The following NKAIN3 variants were observed in gnomAD, a reference collection of about 807,000 sequenced individuals.
The protein encoded by NKAIN3 is sodium/potassium-transporting ATPase subunit beta-1-interacting protein 3.
NKAIN3 carries 25 observed loss-of-function variants against 30.2 expected under a neutral mutation model. The observed-to-expected ratio is 0.83, with a 90% CI of 0.60 to 1.16. The LOEUF (loss-of-function observed/expected upper bound fraction) is 1.16. Among genes scored for constraint, NKAIN3 ranks in the 50% most tolerant of loss-of-function variants. The probability of loss-of-function intolerance (pLI) is 0.00; values close to 1 mark genes in which losing one functional copy is unlikely to be tolerated. For synonymous variants in NKAIN3, 91 were observed against 89.6 expected (o/e 1.02, Z -0.09); for missense variants, 225 against 254.1 (o/e 0.89, Z 0.78).
chr8:62,918,385 T>G (rs908704391), intron 4 of NKAIN3, 68 bp from the exon 5 acceptor site: 1 of 1,089,624 alleles, frequency 9.2e-7, no homozygotes, highest in East Asian at 2.4e-5. Context: ...TTTATTAGAT[T>G]ATATTGGCTC....
chr8:62,619,095 A>T (rs900138668), intron 3 of NKAIN3, among the ~76,000 whole-genome samples: 2 of 152,150 alleles, frequency 1.3e-5, no homozygotes, highest in Admixed American at 6.6e-5. Context: ...TAACCAGTGC[A>T]GTGTAACAGG....
At chr8:62,860,417 A>C (rs1820205028) in intron 4 of NKAIN3, among the ~76,000 whole-genome samples, 1 of 152,220 alleles carries the variant, frequency 6.6e-6, no homozygotes. Flanking sequence ...AAGATTAATG[A>C]CATTGTGTAT....
At chr8:62,497,305 C>T (rs996803156) in intron 1 of NKAIN3, among the ~76,000 whole-genome samples, 1 of 151,984 alleles carries the variant, frequency 6.6e-6, no homozygotes, top group African/African-American at 2.4e-5. Context: ...ATGTCTGTCT[C>T]AGTTGTAGAC....
chr8:62,283,294 G>A lies in NKAIN3; in HGVS notation c.54+34167G>A, dbSNP rs539567060. ...CTTACGTGGCTATTTTTTTTTTTGA[G>A]TTTCTAAATATATTTGTGTCAATCC... On this transcript the variant is annotated intron_variant, in intron 1 of 6. Transcript: ENST00000623646. Among the ~76,000 whole-genome samples, 277 of 150,768 alleles carry A rather than the reference G, an allele frequency of 1.8e-3. 1 individual carries two copies. The highest frequency in any genetic ancestry group is 6.5e-3 in the African/African-American group (266 of 41,074).
intron 1 of NKAIN3, among the ~76,000 whole-genome samples, chr8:62,523,670 G>T (rs1259208073): frequency 6.6e-6 from 1 of 152,102 alleles, no homozygotes; most frequent in Non-Finnish European, 1.5e-5. Context: ...CACAGCATGG[G>T]ACACTGTGGG....
chr8:62,509,396 T>A (rs1362146334), intron 1 of NKAIN3, among the ~76,000 whole-genome samples: 1 of 152,160 alleles, frequency 6.6e-6, no homozygotes, highest in Non-Finnish European at 1.5e-5. Context: ...GTTCTTTTCC[T>A]CCTTTATCCA....
chr8:62,658,508 C>A lies in NKAIN3; in HGVS notation c.273+68714C>A, dbSNP rs186921011. On this transcript the variant is annotated intron_variant, in intron 3 of 6. Transcript: ENST00000623646. ...GCATATTATATGTAAATGCGGTATACCCATTCATATATTATGATGGTTCAC... is the reference window on the plus strand; with the variant it reads ...GCATATTATATGTAAATGCGGTATAACCATTCATATATTATGATGGTTCAC... 1.7e-4 allele frequency among the ~76,000 whole-genome samples: 26 copies of A among 152,184 alleles called. No homozygotes were observed. In the East Asian group the frequency reaches 2.3e-3, roughly 14 times the overall value.
chr8:62,385,198 TA>T (rs1441748259), intron 1 of NKAIN3, among the ~76,000 whole-genome samples: 1 of 152,164 alleles, frequency 6.6e-6, no homozygotes, highest in South Asian at 2.1e-4. Flanking sequence ...GTCTTTACCA[TA>T]ATCCTCTGCA....
chr8:62,673,111 G>A (rs1014820889), intron 3 of NKAIN3, among the ~76,000 whole-genome samples: 2 of 152,160 alleles, frequency 1.3e-5, no homozygotes, highest in African/African-American at 4.8e-5. Flanking sequence ...TAAATGATGA[G>A]GTGGGATTCA....
chr8:62,551,904 G>A (rs12546217), intron 1 of NKAIN3, among the ~76,000 whole-genome samples: 15 of 152,228 alleles, frequency 9.9e-5, no homozygotes, highest in Admixed American at 3.9e-4. Flanking sequence ...CTTTTACTCA[G>A]GTAGAAAACT....
intron 3 of NKAIN3, among the ~76,000 whole-genome samples, chr8:62,694,838 A>C (rs192040375): frequency 2.3e-4 from 35 of 152,266 alleles, no homozygotes; most frequent in Admixed American, 2.1e-3. Context: ...CTTTCCCCAG[A>C]AAAAAACCAC....
chr8:62,763,220 TCA>T (rs1816724050), intron 4 of NKAIN3, among the ~76,000 whole-genome samples: 1 of 25,412 alleles, frequency 3.9e-5, no homozygotes, highest in Non-Finnish European at 6.1e-5. Context: ...AGACTCCGTC[TCA>T]AAAAAAAAAA....
At chr8:62,401,089 T>G (rs1357142172) in intron 1 of NKAIN3, among the ~76,000 whole-genome samples, 1 of 151,204 alleles carries the variant, frequency 6.6e-6, no homozygotes, top group African/African-American at 2.4e-5. Flanking sequence ...TGAAGCTATC[T>G]TCCAGATCTT....
chr8:62,937,262 GAACATATC>G (rs1822812771), intron 5 of NKAIN3, among the ~76,000 whole-genome samples: 1 of 152,112 alleles, frequency 6.6e-6, no homozygotes, highest in Admixed American at 6.5e-5. Context: ...ACTACTGCAG[GAACATATC>G]AGGAAAACTG....
At chr8:62,534,860 G>GTTT (rs145601852) in intron 1 of NKAIN3, among the ~76,000 whole-genome samples, 11,475 of 145,518 alleles carry the variant, frequency 0.079, 638 homozygotes, top group Middle Eastern at 0.13. Flanking sequence ...TGCATTTATT[G>GTTT]GTTTTTTTTT....
At chr8:62,823,541 A>G (rs1235186085) in intron 4 of NKAIN3, among the ~76,000 whole-genome samples, 1 of 152,170 alleles carries the variant, frequency 6.6e-6, no homozygotes, top group Non-Finnish European at 1.5e-5. Context: ...CATCATACTA[A>G]GGCCCTCAGA....
intron 1 of NKAIN3, among the ~76,000 whole-genome samples, chr8:62,335,258 T>C (rs1815501985): frequency 6.6e-6 from 1 of 151,794 alleles, no homozygotes; most frequent in South Asian, 2.1e-4. Context: ...AAACTCCATC[T>C]TTATTAAAAA....
intron 3 of NKAIN3, among the ~76,000 whole-genome samples, chr8:62,682,690 G>T (rs1427391414): frequency 2.0e-5 from 3 of 152,078 alleles, no homozygotes; most frequent in Non-Finnish European, 2.9e-5. Context: ...TGGGAGTGGG[G>T]TGATGCCTGT....
At chr8:62,765,262 A>G (rs868322096) in intron 4 of NKAIN3, among the ~76,000 whole-genome samples, 14 of 137,594 alleles carry the variant, frequency 1.0e-4, no homozygotes, top group South Asian at 2.2e-4. Flanking sequence ...AAAAAAAAAA[A>G]AAAAGAAAAG....
Sources: gnomAD v4.1 joint callset for allele counts (sites outside exome capture counted in the v4.1 genomes callset) on GRCh38, gnomAD v4.1.1 for gene constraint, MANE v1.5 for transcripts, NCBI Gene and HGNC (gene_info 2026-07-23, HGNC 2026-07-21) for gene names.